Variants in F5 observed in about 807,000 individuals in gnomAD.
F5 encodes coagulation factor V.
A neutral mutation model predicts 216.4 loss-of-function variants in F5; 138 were observed. The ratio of observed to expected loss-of-function variants is 0.64; its 90% CI spans 0.56 to 0.73. The LOEUF is 0.73. Ranked by LOEUF, F5 falls within the 30% of genes least tolerant of loss-of-function variation. F5 has a pLI of 0.00. For missense variants in F5, 2,403 were observed against 2,674.0 expected, an observed-to-expected ratio of 0.90 and a Z score of 2.24; for synonymous variants, 916 against 930.7, an observed-to-expected ratio of 0.98 and a Z score of 0.29.
In F5 at chr1:169,560,132, C is replaced by CGT. The variant is rs1369067627; in HGVS notation, c.586+420_586+421dup. On this transcript the variant is annotated intron_variant, in intron 4 of 24. Transcript: ENST00000367797. ...TGTAAGAAAGGAAGCTGGCATTTCA[C>CGT]GTGTTTATAGAGCAAATTACCAGCC... is the stretch of plus-strand genomic sequence containing the variant. Among the ~76,000 whole-genome samples the CGT allele has an allele frequency of 3.3e-5, 5 of 152,280 alleles. No homozygotes were observed. The East Asian group carries it at 9.7e-4, about 29-fold the overall frequency.
At position 169,560,701 on chromosome 1, in the gene F5, C is replaced by A. The variant is rs118203912; in HGVS notation, c.439G>T (p.Glu147Ter). 1 of 1,613,642 alleles carries A rather than the reference C, an allele frequency of 6.2e-7. No individual in the cohort carries two copies. The highest frequency in any genetic ancestry group is 8.5e-7 in the Non-Finnish European group (1 of 1,179,792). ...CTGATACTCCATTCATAGGTGTATT[C>A]TCGGCCTGGAGCCACAGCGTCGTCC... is the stretch of plus-strand genomic sequence containing the variant. The part of the protein sequence containing the change: ...KMDDAVAPGR[E>*]YTYEWSISED... The change falls in exon 4 of 25, where the codon GAA (glutamate) becomes TAA (stop). Residue 147 changes from glutamate (E) to a stop codon, truncating the protein, a stop_gained. Transcript: ENST00000367797. LOFTEE classifies it high-confidence loss of function.
Position 169,513,474 on chromosome 1 carries a change from A to G in F5, c.*839T>C, listed in dbSNP as rs930929377. The stretch of plus-strand genomic sequence containing the variant: ...TGAGGCCATAGAGAGGAAGGCCCTG[A>G]AAGAAAACTTTAACTGCTTGCCAGT... On this transcript the variant is annotated 3_prime_UTR_variant, in exon 25 of 25. Transcript: ENST00000367797. Among the ~76,000 whole-genome samples the G allele has an allele frequency of 6.6e-6, 1 of 152,148 alleles. No homozygotes were observed. The highest frequency in any genetic ancestry group is 1.5e-5 in the Non-Finnish European group (1 of 68,018).
At chr1:169,544,588 C>T in intron 11 of F5, 80 bp from the exon 12 acceptor site, 1 of 1,179,270 alleles carries the variant, frequency 8.5e-7, no homozygotes. Context: ...AGATAAATGT[C>T]TCCATGTTAA....
chr1:169,582,200 CT>C (rs777251436), intron 2 of F5, among the ~76,000 whole-genome samples: 1 of 152,182 alleles, frequency 6.6e-6, no homozygotes, highest in Non-Finnish European at 1.5e-5. Flanking sequence ...CAAAGGGCCC[CT>C]GGCTTGGTTT....
In F5 at chr1:169,542,560, C is replaced by A; in HGVS notation, c.2530G>T (p.Val844Phe). ...DPIEDPLQPD[V>F]TGIRLLSLGA... ...AGTGAAAGTAGACGTATCCCTGTGA[C>A]ATCTGGCTGTAGAGGATCCTCTATA... The change falls in exon 13 of 25, where the codon GTC becomes TTC. Residue 844 changes from valine (V) to phenylalanine (F), a missense_variant. By Grantham distance (50) the Val-to-Phe change is conservative (BLOSUM62 -1). Around this residue, in one of 4 missense-constraint regions of F5, gnomAD observed 1,425 missense variants for 1,554.8 expected, o/e 0.92. Transcript: ENST00000367797. 6.2e-7 allele frequency: 1 copy of A among 1,614,048 alleles called. No homozygotes were observed. Among genetic ancestry groups the A allele is most frequent in the Non-Finnish European group, 8.5e-7 (1 of 1,179,962 alleles).
At chr1:169,518,107 G>A (rs1187303275) in intron 23 of F5, among the ~76,000 whole-genome samples, 3 of 152,148 alleles carry the variant, frequency 2.0e-5, no homozygotes, top group Non-Finnish European at 4.4e-5. Context: ...GGCAGAGAAT[G>A]TATGGCCCAC....
At chr1:169,532,509 A>C (rs1188389442) in intron 14 of F5, among the ~76,000 whole-genome samples, 1 of 152,238 alleles carries the variant, frequency 6.6e-6, no homozygotes, top group Non-Finnish European at 1.5e-5. Flanking sequence ...TCAGGATGCA[A>C]GATTAATGTA....
At chr1:169,520,358 G>C (rs1659268428) in intron 22 of F5, among the ~76,000 whole-genome samples, 162 bp downstream of exon 22, 2 of 152,170 alleles carry the variant, frequency 1.3e-5, no homozygotes, top group African/African-American at 4.8e-5. Flanking sequence ...TCTTGGTCTA[G>C]ATCACACTGA....
At position 169,543,064 on chromosome 1, in the gene F5, T is replaced by A; in HGVS notation, c.2026A>T (p.Arg676Trp). ...MNSSPRSKKL[R>W]LKFRDVKCIP... Reference sequence around the variant, plus strand: ...CATTTAACATCCCTGAATTTCAGCCTCAGCTTTTTGCTTCTTGGACTAGAA... The same window carrying A: ...CATTTAACATCCCTGAATTTCAGCCACAGCTTTTTGCTTCTTGGACTAGAA... Residue 676 changes from arginine to tryptophan, a missense_variant, in exon 13 of 25, where the codon AGG becomes TGG. By Grantham distance (101) the Arg-to-Trp change is moderately radical. Transcript: ENST00000367797. 1 of 1,614,028 alleles carries A rather than the reference T, an allele frequency of 6.2e-7. No homozygotes were observed. The highest frequency in any genetic ancestry group is 1.1e-5 in the South Asian group (1 of 91,082).
At chr1:169,559,383 C>A in intron 4 of F5, 87 bp from the exon 5 acceptor site, 2 of 1,307,732 alleles carry the variant, frequency 1.5e-6, no homozygotes, top group Middle Eastern at 3.7e-4. Flanking sequence ...TTAGGGCAAG[C>A]AATCAACCAT....
In F5 at chr1:169,555,180, A is replaced by C; in HGVS notation, c.1118+2T>G. On this transcript the variant is annotated splice_donor_variant, in intron 7 of 24. Coordinates refer to ENST00000367797, the MANE Select transcript of F5 (RefSeq NM_000130.5). LOFTEE classifies it high-confidence loss of function. ...CCAGTGGTATGAACCCCAACAACTC[A>C]CTTGTCCATATTCGCTGGTATTACA... The C allele has an allele frequency of 6.2e-7, 1 of 1,614,068 alleles. No individual in the cohort carries two copies. Among genetic ancestry groups the C allele is most frequent in the Non-Finnish European group, 8.5e-7 (1 of 1,179,954 alleles).
chr1:169,542,051 C>T lies in F5; in HGVS notation c.3039G>A (p.Gln1013=), dbSNP rs769936831. 31 of 1,613,956 alleles carry T rather than the reference C, an allele frequency of 1.9e-5. No homozygotes were observed. The African/African-American group carries it at 3.6e-4, about 19-fold the overall frequency. Residue 1013 remains glutamine, a synonymous_variant, in exon 13 of 25, where the codon CAG becomes CAA. Coordinates refer to ENST00000367797, the MANE Select transcript of F5 (RefSeq NM_000130.5). ...RVRHKSLQVR[Q]DGGKSRLKKS... ...TCTTCAGTCTACTCTTTCCTCCATC[C>T]TGTCTTACTTGTAGAGATTTATGTC...
intron 9 of F5, among the ~76,000 whole-genome samples, chr1:169,550,299 C>CCCCCCCCCCCCCCCCCCCG (rs1553221195): frequency 1.6e-5 from 2 of 121,528 alleles, no homozygotes; most frequent in Admixed American, 8.2e-5. Context: ...CCCCCCCCCC[C>CCCCCCCCCCCCCCCCCCCG]CGACAGGCCC....
chr1:169,548,396 AT>A (rs2101824199), intron 10 of F5, among the ~76,000 whole-genome samples: 1 of 152,172 alleles, frequency 6.6e-6, no homozygotes, highest in Admixed American at 6.5e-5. Flanking sequence ...AGTCATTAAC[AT>A]TGCAGCAAAT....
At chr1:169,567,933 C>A (rs1408690016) in intron 3 of F5, among the ~76,000 whole-genome samples, 1 of 152,026 alleles carries the variant, frequency 6.6e-6, no homozygotes, top group Non-Finnish European at 1.5e-5. Flanking sequence ...TAAAAATTGC[C>A]CAAGATGCTA....
Position 169,530,967 on chromosome 1 carries a change from G to A in F5, c.5027C>T (p.Ser1676Phe), listed in dbSNP as rs1386383851. 6.2e-7 allele frequency: 1 copy of A among 1,613,786 alleles called. No homozygotes were observed. Among genetic ancestry groups the A allele is most frequent in the Admixed American group, 1.7e-5 (1 of 59,988 alleles). The change falls in exon 15 of 25, where the codon TCC becomes TTC. Residue 1676 changes from serine (S) to phenylalanine (F), a missense_variant. Physicochemically the swap from Ser to Phe is radical, Grantham distance 155. Transcript: ENST00000367797. ...CTTTCCCTCTGATGATTTTTCATAG[G>A]AAAGTCCATGGGCATGTAGAGAATA... ...RPYSLHAHGL[S>F]YEKSSEGKTY...
rs183729588 is a variant in F5 at position 169,553,708 on chromosome 1, C to A, written c.1119-974G>T. On this transcript the variant is annotated intron_variant, in intron 7 of 24. Coordinates refer to ENST00000367797, the MANE Select transcript of F5 (RefSeq NM_000130.5). Reference sequence around the variant, plus strand: ...CTGCACTCCAGCCTGGGCGACAGAGCGAGACTCCGTCTCAAAAAAAGAAAG... The same window carrying A: ...CTGCACTCCAGCCTGGGCGACAGAGAGAGACTCCGTCTCAAAAAAAGAAAG... 6.8e-3 allele frequency among the ~76,000 whole-genome samples: 1,042 copies of A among 152,236 alleles called. 12 individuals are homozygous for A. Among genetic ancestry groups the A allele is most frequent in the African/African-American group, 0.024 (1,004 of 41,536 alleles).
In F5 at chr1:169,542,063, T is replaced by C. The variant is rs762942299; in HGVS notation, c.3027A>G (p.Leu1009=). The C allele has an allele frequency of 2.5e-6, 4 of 1,614,120 alleles. No individual in the cohort carries two copies. The highest frequency in any genetic ancestry group is 1.1e-5 in the South Asian group (1 of 91,080). Residue 1009 remains leucine (L), a synonymous_variant, in exon 13 of 25, where the codon CTA becomes CTG. Coordinates refer to ENST00000367797, the MANE Select transcript of F5 (RefSeq NM_000130.5). The part of the protein sequence containing the change: ...PKFPRVRHKS[L]QVRQDGGKSR... ...TCTTTCCTCCATCCTGTCTTACTTG[T>C]AGAGATTTATGTCTAACTCTAGGAA... is the stretch of plus-strand genomic sequence containing the variant.
chr1:169,586,160 G>A (rs1251927551), intron 1 of F5, 69 bp downstream of exon 1: 2 of 1,586,458 alleles, frequency 1.3e-6, no homozygotes, highest in East Asian at 2.2e-5. Context: ...CATTGCAAAG[G>A]GAATGTTCTC....
Sources: allele counts gnomAD v4.1 joint callset (sites outside exome capture counted in the v4.1 genomes callset), GRCh38; gene constraint gnomAD v4.1.1; regional missense constraint gnomAD v4.1.1; transcripts MANE v1.5; gene names NCBI Gene and HGNC (gene_info 2026-07-23, HGNC 2026-07-21).